MALRD1: variants seen among roughly 807,000 people sequenced by gnomAD.
The protein encoded by MALRD1 is MAM and LDL-receptor class A domain-containing protein 1.
Under a neutral mutation model 242.1 loss-of-function variants are expected in MALRD1, and 247 were observed. That is an observed-to-expected ratio of 1.02 (90% CI 0.92 to 1.13). MALRD1 has a LOEUF of 1.13. MALRD1 is among the 50% of genes most tolerant of loss of function. The pLI, the probability that MALRD1 is intolerant of heterozygous loss-of-function variation, is 0.00. For missense variants in MALRD1, 2,989 were observed against 2,533.1 expected (o/e 1.18, Z -3.86); for synonymous variants, 995 against 866.6 (o/e 1.15, Z -2.60).
At chr10:19,401,037 G>A (rs1034341203) in intron 28 of MALRD1, among the ~76,000 whole-genome samples, 31 of 151,944 alleles carry the variant, frequency 2.0e-4, no homozygotes, top group African/African-American at 7.5e-4. Flanking sequence ...AATAAAAAAA[G>A]AAGAAGAAGA....
Position 19,100,894 on chromosome 10 carries a change from C to T in MALRD1, c.598-3085C>T, listed in dbSNP as rs116034768. On this transcript the variant is annotated intron_variant, in intron 4 of 39. Coordinates refer to ENST00000454679, the MANE Select transcript of MALRD1 (RefSeq NM_001142308.3). ...AAACTATGGTGACTGCAGGCGTATC[C>T]TTAACTCAGCAACAGCTAGGGACTA... Among the ~76,000 whole-genome samples, 825 of 152,052 alleles carry T rather than the reference C, an allele frequency of 5.4e-3. 13 individuals carry two copies. The highest frequency in any genetic ancestry group is 0.019 in the African/African-American group (776 of 41,500).
At chr10:19,456,282 C>G (rs1183088290) in intron 29 of MALRD1, among the ~76,000 whole-genome samples, 1 of 152,094 alleles carries the variant, frequency 6.6e-6, no homozygotes, top group Non-Finnish European at 1.5e-5. Flanking sequence ...TTTCAGATGT[C>G]TTAGGTGTTG....
chr10:19,279,919 C>A, intron 19 of MALRD1, 128 bp from the exon 20 acceptor site: 8 of 621,928 alleles, frequency 1.3e-5, no homozygotes, highest in Non-Finnish European at 2.0e-5. Flanking sequence ...AGCAGAGTAG[C>A]TGATACTACC....
At position 19,536,413 on chromosome 10, in the gene MALRD1, C is replaced by A. The variant is rs548579715; in HGVS notation, c.5478+5062C>A. Reference sequence around the variant, plus strand: ...ATGTGCACAACGTGCAGGTTTGTTTCATTCTTCCAGCAGCTTGACTTTGGT... The same window carrying A: ...ATGTGCACAACGTGCAGGTTTGTTTAATTCTTCCAGCAGCTTGACTTTGGT... On this transcript the variant is annotated intron_variant, in intron 32 of 39. Transcript: ENST00000454679. Among the ~76,000 whole-genome samples, 86 of 150,334 alleles carry A rather than the reference C, an allele frequency of 5.7e-4. 1 individual carries two copies. The highest frequency in any genetic ancestry group is 3.5e-3 in the Middle Eastern group (1 of 288).
At chr10:19,268,520 G>A (rs1840059804) in intron 19 of MALRD1, among the ~76,000 whole-genome samples, 1 of 152,160 alleles carries the variant, frequency 6.6e-6, no homozygotes, top group South Asian at 2.1e-4. Flanking sequence ...GACTGTTTAA[G>A]CTTCAAATAC....
At chr10:19,263,465 GC>G (rs1169136146) in intron 19 of MALRD1, among the ~76,000 whole-genome samples, 2 of 151,704 alleles carry the variant, frequency 1.3e-5, no homozygotes, top group Non-Finnish European at 2.9e-5. Context: ...CAGGTATTTT[GC>G]CCCTCTTAAA....
At chr10:19,224,307 G>A (rs1226976327) in intron 18 of MALRD1, among the ~76,000 whole-genome samples, 4 of 132,464 alleles carry the variant, frequency 3.0e-5, no homozygotes, top group African/African-American at 1.1e-4. Flanking sequence ...TTTTTTCTTC[G>A]AGACAGCCTC....
intron 33 of MALRD1, among the ~76,000 whole-genome samples, chr10:19,587,098 A>G (rs11812681): frequency 0.041 from 6,210 of 152,300 alleles, 391 homozygotes; most frequent in African/African-American, 0.13. Context: ...CGCACGGTGC[A>G]TGCACCCACT....
rs147932205 is a variant in MALRD1, at chr10:19,163,518, G to A, written c.1657-2119G>A. Reference sequence around the variant, plus strand: ...GTCTACTTTAGGGGGGAGGGTGGAGGAGGGAGAGGAGCAGAAAAGATAACT... The same window carrying A: ...GTCTACTTTAGGGGGGAGGGTGGAGAAGGGAGAGGAGCAGAAAAGATAACT... On this transcript the variant is annotated intron_variant, in intron 12 of 39. Coordinates refer to ENST00000454679, the MANE Select transcript of MALRD1 (RefSeq NM_001142308.3). Among the ~76,000 whole-genome samples the A allele has an allele frequency of 1.1e-3, 162 of 151,934 alleles. 1 individual carries two copies. Among genetic ancestry groups the A allele is most frequent in the African/African-American group, 3.7e-3 (155 of 41,424 alleles).
intron 29 of MALRD1, among the ~76,000 whole-genome samples, chr10:19,463,445 G>A (rs531708356): frequency 1.7e-4 from 26 of 152,064 alleles, no homozygotes; most frequent in African/African-American, 6.0e-4. Flanking sequence ...AGCATAGGAT[G>A]TTTGGTTTCC....
At chr10:19,088,554 T>A (rs1257567144) in intron 4 of MALRD1, among the ~76,000 whole-genome samples, 2 of 94,316 alleles carry the variant, frequency 2.1e-5, no homozygotes, top group Non-Finnish European at 4.2e-5. Context: ...TTTTTTTTTA[T>A]TTTATAAAGT....
rs1199918114 is a variant in MALRD1 at position 19,515,670 on chromosome 10, C to T, written c.5321-15524C>T. Among the ~76,000 whole-genome samples, 3 of 152,082 alleles carry T rather than the reference C, an allele frequency of 2.0e-5. No individual in the cohort carries two copies. The East Asian group carries it at 5.8e-4, about 29-fold the overall frequency. ...TGCCTCCCGGGTTCACGCCATTCTC[C>T]TGCCTCAGCCTCCCGAGTAGCTGGG... is the stretch of plus-strand genomic sequence containing the variant. On this transcript the variant is annotated intron_variant, in intron 31 of 39. Transcript: ENST00000454679.
intron 14 of MALRD1, among the ~76,000 whole-genome samples, chr10:19,182,322 A>AC (rs1835541669): frequency 1.6e-5 from 2 of 123,364 alleles, no homozygotes; most frequent in South Asian, 2.6e-4. Context: ...TCCAAAACCT[A>AC]CATTTTTTTT....
intron 36 of MALRD1, among the ~76,000 whole-genome samples, chr10:19,633,979 C>G (rs896220677): frequency 6.6e-6 from 1 of 151,682 alleles, no homozygotes; most frequent in African/African-American, 2.4e-5. Context: ...GCTGGGACTA[C>G]AGGGGGATGC....
intron 28 of MALRD1, among the ~76,000 whole-genome samples, chr10:19,429,242 T>C (rs1382538672): frequency 6.6e-6 from 1 of 152,148 alleles, no homozygotes; most frequent in African/African-American, 2.4e-5. Flanking sequence ...CATACTAATG[T>C]AATGTGTAAT....
chr10:19,254,902 A>T (rs1839437406), intron 18 of MALRD1, among the ~76,000 whole-genome samples: 1 of 152,042 alleles, frequency 6.6e-6, no homozygotes, highest in Non-Finnish European at 1.5e-5. Flanking sequence ...CTTATGAGTT[A>T]ACTGAGGCTA....
chr10:19,356,497 C>T (rs188942843), intron 26 of MALRD1, among the ~76,000 whole-genome samples: 60 of 152,062 alleles, frequency 3.9e-4, no homozygotes, highest in African/African-American at 1.4e-3. Flanking sequence ...TATTTTAATT[C>T]GATCTACCCA....
intron 21 of MALRD1, among the ~76,000 whole-genome samples, chr10:19,286,938 C>G (rs565483272): frequency 6.6e-6 from 1 of 150,708 alleles, no homozygotes; most frequent in South Asian, 2.1e-4. Flanking sequence ...ACTGGCAAAC[C>G]GAATCCAGCA....
chr10:19,705,198 C>T (rs1833808301), intron 38 of MALRD1, among the ~76,000 whole-genome samples: 1 of 152,066 alleles, frequency 6.6e-6, no homozygotes, highest in Non-Finnish European at 1.5e-5. Flanking sequence ...AGCTGCTATC[C>T]AAGCCTGACA....
Sources: gnomAD v4.1 joint callset for allele counts (sites outside exome capture counted in the v4.1 genomes callset) on GRCh38, gnomAD v4.1.1 for gene constraint, MANE v1.5 for transcripts, NCBI Gene and HGNC (gene_info 2026-07-23, HGNC 2026-07-21) for gene names.